STOX1: variants seen among roughly 807,000 people sequenced by gnomAD.
STOX1 encodes storkhead-box protein 1.
A neutral mutation model predicts 74.8 loss-of-function variants in STOX1; 57 were observed. The observed-to-expected ratio is 0.76, with a 90% confidence interval of 0.62 to 0.95. The LOEUF is 0.95. Among genes scored for constraint, STOX1 ranks in the 40% least tolerant of loss-of-function variants. STOX1 has a pLI of 0.00. For missense variants in STOX1, 1,010 were observed against 1,117.0 expected (o/e 0.90, Z 1.37); for synonymous variants, 375 against 401.3 (o/e 0.93, Z 0.78).
chr10:68,855,464 G>C (rs941050949), intron 1 of STOX1, among the ~76,000 whole-genome samples: 2 of 133,582 alleles, frequency 1.5e-5, no homozygotes, highest in Non-Finnish European at 3.2e-5. Context: ...TTTGAGACTG[G>C]GTCTCGCTGT....
chr10:68,867,456 G>C (rs1840437719), intron 1 of STOX1, among the ~76,000 whole-genome samples: 1 of 152,128 alleles, frequency 6.6e-6, no homozygotes, highest in South Asian at 2.1e-4. Flanking sequence ...ATAGAACTGA[G>C]GGTGGTTGCT....
rs527654253 is a variant in STOX1 at position 68,854,030 on chromosome 10, T to C, written c.310+26097T>C. Among the ~76,000 whole-genome samples the C allele has an allele frequency of 1.1e-4, 17 of 150,776 alleles. No homozygotes were observed. In the South Asian group the frequency reaches 3.6e-3, roughly 32 times the overall value. ...TTTCTTTTTAGACAGAGTTTCACTC[T>C]TGTTGCCCAGGCTGGAGTGCTGTGG... is the stretch of plus-strand genomic sequence containing the variant. On this transcript the variant is annotated intron_variant, in intron 1 of 3. Transcript: ENST00000298596.
intron 1 of STOX1, among the ~76,000 whole-genome samples, chr10:68,846,119 T>TTTTTTTATTA (rs1167242930): frequency 2.9e-5 from 4 of 135,848 alleles, no homozygotes; most frequent in Non-Finnish European, 6.3e-5. Context: ...GCTTGAGGTT[T>TTTTTTTATTA]TTATTATTAT....
intron 1 of STOX1, among the ~76,000 whole-genome samples, chr10:68,853,300 G>C (rs768755380): frequency 1.3e-5 from 2 of 152,128 alleles, no homozygotes; most frequent in African/African-American, 4.8e-5. Context: ...CACTTATTCA[G>C]CTATTGCCTG....
At chr10:68,878,922 T>G (rs1840744432) in intron 1 of STOX1, among the ~76,000 whole-genome samples, 1 of 152,214 alleles carries the variant, frequency 6.6e-6, no homozygotes, top group African/African-American at 2.4e-5. Flanking sequence ...AATGGTTAGC[T>G]ACTTTAACAT....
chr10:68,828,474 C>T (rs1340840099), intron 1 of STOX1, among the ~76,000 whole-genome samples: 1 of 152,182 alleles, frequency 6.6e-6, no homozygotes, highest in Non-Finnish European at 1.5e-5. Flanking sequence ...CAGCTATAGT[C>T]CCCAAGGTGT....
chr10:68,838,803 G>A (rs929102037), intron 1 of STOX1, among the ~76,000 whole-genome samples: 5 of 151,932 alleles, frequency 3.3e-5, no homozygotes, highest in African/African-American at 1.2e-4. Flanking sequence ...CTAGCTACTC[G>A]GGAGGCTGAG....
chr10:68,872,440 G>C (rs1230915174), intron 1 of STOX1, among the ~76,000 whole-genome samples: 1 of 150,302 alleles, frequency 6.7e-6, no homozygotes, highest in Non-Finnish European at 1.5e-5. Flanking sequence ...CCACCTCCTG[G>C]GTTCAAGTGA....
At chr10:68,883,715 A>T (rs1170168132) in intron 2 of STOX1, among the ~76,000 whole-genome samples, 2 of 137,010 alleles carry the variant, frequency 1.5e-5, no homozygotes, top group Admixed American at 7.5e-5. Flanking sequence ...TGCCTGGCCT[A>T]TTCCTATTAT....
intron 1 of STOX1, among the ~76,000 whole-genome samples, chr10:68,836,497 TGTCCTTCTGTCTC>T (rs1331793853): frequency 3.9e-5 from 6 of 152,382 alleles, no homozygotes; most frequent in Non-Finnish European, 7.3e-5. Context: ...GACCTCCGTC[TGTCCTTCTGTCTC>T]GTCCTTCTGT....
chr10:68,870,444 C>T (rs972904951), intron 1 of STOX1, among the ~76,000 whole-genome samples: 2 of 152,188 alleles, frequency 1.3e-5, no homozygotes, highest in African/African-American at 2.4e-5. Context: ...TTGCCCCCAA[C>T]GCTTGTAACT....
intron 3 of STOX1, among the ~76,000 whole-genome samples, chr10:68,887,707 C>T (rs1446051623): frequency 6.7e-6 from 1 of 149,320 alleles, no homozygotes; most frequent in South Asian, 2.1e-4. Flanking sequence ...AATTCTCCCA[C>T]TTTAGCCTCC....
At chr10:68,879,079 T>A (rs1037275895) in intron 1 of STOX1, among the ~76,000 whole-genome samples, 1 of 152,164 alleles carries the variant, frequency 6.6e-6, no homozygotes, top group African/African-American at 2.4e-5. Context: ...GTGATCCTCA[T>A]ATGCACATTA....
chr10:68,834,513 G>A (rs1012636520), intron 1 of STOX1, among the ~76,000 whole-genome samples: 2 of 152,112 alleles, frequency 1.3e-5, no homozygotes, highest in African/African-American at 4.8e-5. Context: ...ACAGCACTTC[G>A]TAGCTAATGG....
At position 68,851,931 on chromosome 10, in the gene STOX1, C is replaced by T. The variant is rs185260459; in HGVS notation, c.310+23998C>T. On this transcript the variant is annotated intron_variant, in intron 1 of 3. Coordinates refer to ENST00000298596, the MANE Select transcript of STOX1 (RefSeq NM_152709.5). ...GGCAGATCACCTGAGTTCAGGAGTT[C>T]GAGACCAACCTGGCCAACATGGTGA... Among the ~76,000 whole-genome samples the T allele has an allele frequency of 1.8e-3, 278 of 152,178 alleles. 3 individuals carry two copies. The highest frequency in any genetic ancestry group is 6.3e-3 in the African/African-American group (263 of 41,542).
Position 68,886,602 on chromosome 10 carries a change from G to A in STOX1, c.2806G>A (p.Gly936Arg), listed in dbSNP as rs1421375368. Residue 936 changes from glycine to arginine, a missense_variant, in exon 3 of 4, where the codon GGA becomes AGA. Coordinates refer to ENST00000298596, the MANE Select transcript of STOX1 (RefSeq NM_152709.5). ...AAATCACAGCATGGCAGGAGATAGT[G>A]GAATAGATTCTCCACGGTAGGTCCA... ...TENHSMAGDS[G>R]IDSPRTQSLG... is the part of the protein sequence containing the mutation. 6.2e-7 allele frequency: 1 copy of A among 1,613,902 alleles called. No homozygotes were observed. Among genetic ancestry groups the A allele is most frequent in the African/African-American group, 1.3e-5 (1 of 74,906 alleles).
intron 1 of STOX1, among the ~76,000 whole-genome samples, chr10:68,844,036 C>T (rs1479557618): frequency 4.6e-5 from 7 of 151,856 alleles, no homozygotes; most frequent in South Asian, 2.1e-4. Flanking sequence ...AAAAATTAGC[C>T]AGGCGTGGTG....
chr10:68,839,237 AT>A (rs749162669), intron 1 of STOX1, among the ~76,000 whole-genome samples: 34 of 152,204 alleles, frequency 2.2e-4, no homozygotes, highest in Non-Finnish European at 4.4e-4. Context: ...GATTATTATT[AT>A]TTGAGGCAGG....
rs868512185 is a variant in STOX1, at chr10:68,827,534, G to A, written c.-90G>A. 7 of 893,086 alleles carry A rather than the reference G, an allele frequency of 7.8e-6. No individual in the cohort carries two copies. The highest frequency in any genetic ancestry group is 1.8e-5 in the African/African-American group (1 of 55,578). The allele number at this position is 893,086 out of a possible 1,614,324, so 55.3% of individuals were successfully genotyped here. ...AGCCAGCGCCGCGGACCCGCGCGCAGTCGGCCGATCCTCCCGCCGAGCGAG... is the reference window on the plus strand; with the variant it reads ...AGCCAGCGCCGCGGACCCGCGCGCAATCGGCCGATCCTCCCGCCGAGCGAG... On this transcript the variant is annotated 5_prime_UTR_variant, in exon 1 of 4. Transcript: ENST00000298596.
Sources: gnomAD v4.1 joint callset for allele counts (sites outside exome capture counted in the v4.1 genomes callset) on GRCh38, gnomAD v4.1.1 for gene constraint, MANE v1.5 for transcripts, NCBI Gene and HGNC (gene_info 2026-07-23, HGNC 2026-07-21) for gene names.